The following MVP variants were observed in gnomAD, a reference collection of about 807,000 sequenced individuals.
MVP encodes the protein lung resistance-related protein.
Under a neutral mutation model 83.5 loss-of-function variants are expected in MVP, and 62 were observed. The ratio of observed to expected loss-of-function variants is 0.74; its 90% CI spans 0.61 to 0.92. MVP has a LOEUF of 0.92. MVP is among the 40% of genes least tolerant of loss of function. MVP has a pLI of 0.00. For missense variants in MVP, 1,000 were observed against 1,203.4 expected, an observed-to-expected ratio of 0.83 and a Z score of 2.50; for synonymous variants, 505 against 504.1, an observed-to-expected ratio of 1.00 and a Z score of -0.02.
At chr16:29,836,438 G>T (rs2067487558) in intron 6 of MVP, among the ~76,000 whole-genome samples, 1 of 150,808 alleles carries the variant, frequency 6.6e-6, no homozygotes, top group Non-Finnish European at 1.5e-5. Flanking sequence ...AGCTGGGCAT[G>T]GTGTCACCCA....
chr16:29,833,839 G>A lies in MVP; in HGVS notation c.428G>A (p.Trp143Ter). The stretch of plus-strand genomic sequence containing the variant: ...GACAAGGTGGTGGCAGGAGATGAGT[G>A]GCTTTTCGAGGGACCTGGTAAGTTC... ...DGDKVVAGDE[W>*]LFEGPGTYIP... The change falls in exon 4 of 15, where the codon TGG becomes TAG. Residue 143 changes from tryptophan (W) to a stop codon, truncating the protein, a stop_gained. Transcript: ENST00000357402. LOFTEE classifies it high-confidence loss of function. 6.2e-7 allele frequency: 1 copy of A among 1,614,066 alleles called. No individual in the cohort carries two copies. The highest frequency in any genetic ancestry group is 1.1e-5 in the South Asian group (1 of 91,082).
intron 11 of MVP, 76 bp downstream of exon 11, chr16:29,844,955 C>T: frequency 6.7e-7 from 1 of 1,501,806 alleles, no homozygotes; most frequent in Admixed American, 2.0e-5. Flanking sequence ...ACCTGGCATC[C>T]CTTGTGGACT....
intron 6 of MVP, among the ~76,000 whole-genome samples, chr16:29,836,354 C>T (rs2067487048): frequency 1.3e-5 from 2 of 151,360 alleles, no homozygotes; most frequent in Admixed American, 1.3e-4. Context: ...GTGGGAGGAT[C>T]ACCTGAGGTC....
chr16:29,822,587 A>T (rs2067371440), intron 1 of MVP: 1 of 152,216 alleles, frequency 6.6e-6, no homozygotes, highest in Non-Finnish European at 1.5e-5. Flanking sequence ...CACCGACCTT[A>T]CGTCCAACCT....
At chr16:29,847,498 G>T in intron 14 of MVP, 113 bp downstream of exon 14, 2 of 1,089,654 alleles carry the variant, frequency 1.8e-6, no homozygotes, top group Non-Finnish European at 2.6e-6. Flanking sequence ...AGGGGTGAGT[G>T]ACCTGACCCA....
At chr16:29,835,579 C>A in intron 5 of MVP, 125 bp from the exon 6 acceptor site, 1 of 637,336 alleles carries the variant, frequency 1.6e-6, no homozygotes, top group South Asian at 2.3e-5. Context: ...GGAACTTGAG[C>A]CTGGGGTCAG....
chr16:29,830,511 C>T lies in MVP; in HGVS notation c.-35-4C>T. On this transcript the variant is annotated splice_region_variant and splice_polypyrimidine_tract_variant and intron_variant, in intron 1 of 14. Coordinates refer to ENST00000357402, the MANE Select transcript of MVP (RefSeq NM_005115.5). ...CATCCTGTGTCGTCTCCCCCACCTA[C>T]CAGTCATCTTCTTGTGAGCCCTGGG... 6.2e-7 allele frequency: 1 copy of T among 1,608,784 alleles called. No homozygotes were observed.
chr16:29,831,892 T>C (rs557017875), intron 3 of MVP: 12 of 348,154 alleles, frequency 3.4e-5, no homozygotes, highest in African/African-American at 2.4e-4. Flanking sequence ...TTCCTTTACC[T>C]GTTCTTCCAC....
In MVP at chr16:29,844,546, C is replaced by T; in HGVS notation, c.1688C>T (p.Ser563Leu). ...CCCCAAGAGACGGCCAAGCTCTTTT[C>T]AGTGCCAGACTTTGTAGGTGATGCC... is the stretch of plus-strand genomic sequence containing the variant. The part of the protein sequence containing the change: ...KDPQETAKLF[S>L]VPDFVGDACK... Residue 563 changes from serine (S) to leucine (L), a missense_variant, in exon 11 of 15, where the codon TCA becomes TTA. Coordinates refer to ENST00000357402, the MANE Select transcript of MVP (RefSeq NM_005115.5). 1 of 1,584,750 alleles carries T rather than the reference C, an allele frequency of 6.3e-7. No individual in the cohort carries two copies. Among genetic ancestry groups the T allele is most frequent in the South Asian group, 1.1e-5 (1 of 87,004 alleles).
Position 29,841,799 on chromosome 16 carries a change from C to T in MVP, c.1395C>T (p.Asn465=), listed in dbSNP as rs774680750. 19 of 1,612,746 alleles carry T rather than the reference C, an allele frequency of 1.2e-5. No individual in the cohort carries two copies. The highest frequency in any genetic ancestry group is 5.0e-5 in the Admixed American group (3 of 59,994). The change falls in exon 9 of 15, where the codon AAC becomes AAT. Residue 465 remains asparagine (N), a synonymous_variant. Transcript: ENST00000357402. The surrounding 1 kb of genome is among the most constrained non-coding windows in gnomAD (Gnocchi z 4.7). Reference sequence around the variant, plus strand: ...TGGTCAGCTACCGCGTGCCCCACAACGCTGCGGTGCAGGTGTACGACTACC... The same window carrying T: ...TGGTCAGCTACCGCGTGCCCCACAATGCTGCGGTGCAGGTGTACGACTACC... ...TRVVSYRVPH[N]AAVQVYDYRE...
Position 29,844,598 on chromosome 16 carries a change from G to A in MVP, c.1740G>A (p.Arg580=). The change falls in exon 11 of 15, where the codon CGG becomes CGA. Residue 580 remains arginine, a synonymous_variant. Transcript: ENST00000357402. ...DACKAIASRV[R]GAVASVTFDD... ...GCAAAGCCATCGCATCCCGGGTGCG[G>A]GGGGCCGTGGCCTCTGTCACTTTCG... is the stretch of plus-strand genomic sequence containing the variant. 1 of 1,613,530 alleles carries A rather than the reference G, an allele frequency of 6.2e-7. No homozygotes were observed. The highest frequency in any genetic ancestry group is 8.5e-7 in the Non-Finnish European group (1 of 1,179,680).
chr16:29,822,092 T>TG (rs1045623025), intron 1 of MVP, among the ~76,000 whole-genome samples: 14 of 151,260 alleles, frequency 9.3e-5, no homozygotes, highest in South Asian at 2.1e-4. Context: ...GTTTTGTTTT[T>TG]TTTTTTTTTT....
intron 7 of MVP, among the ~76,000 whole-genome samples, chr16:29,839,929 C>T (rs911668340): frequency 1.5e-4 from 22 of 151,694 alleles, no homozygotes; most frequent in African/African-American, 5.1e-4. Flanking sequence ...GTTTAGCTTG[C>T]GTGGATCCAG....
At chr16:29,845,346 AACATGTTCCAGCTG>A (rs1424320265) in intron 11 of MVP, among the ~76,000 whole-genome samples, 4 of 151,544 alleles carry the variant, frequency 2.6e-5, no homozygotes, top group African/African-American at 4.9e-5. Flanking sequence ...TCGTCCCTGG[AACATGTTCCAGCTG>A]ACATGTTCCA....
In MVP at chr16:29,845,887, G is replaced by A. The variant is rs1321255826; in HGVS notation, c.2046G>A (p.Gln682=). The change falls in exon 12 of 15, where the codon CAG becomes CAA. Residue 682 remains glutamine (Q), a synonymous_variant. Coordinates refer to ENST00000357402, the MANE Select transcript of MVP (RefSeq NM_005115.5). ...AAKHEAQRLE[Q]EARGRLERQK... ...GGCATGAGGCTCAGAGACTGGAGCA[G>A]GAAGCCCGCGGCCGGCTTGAGCGGC... is the stretch of plus-strand genomic sequence containing the variant. 2 of 1,613,964 alleles carry A rather than the reference G, an allele frequency of 1.2e-6. No homozygotes were observed. The highest frequency in any genetic ancestry group is 2.7e-5 in the African/African-American group (2 of 74,940).
chr16:29,840,050 G>A, intron 7 of MVP, 128 bp from the exon 8 acceptor site: 3 of 890,182 alleles, frequency 3.4e-6, no homozygotes, highest in Non-Finnish European at 5.1e-6. Flanking sequence ...TATGATGTGG[G>A]GGTGGGGGCG....
rs2067535423 is a variant in MVP, at chr16:29,841,644, C to T, written c.1240C>T (p.Leu414=). ...STYMLTQDEV[L]WEKELPPGVE... ...CTACATGCTGACCCAGGACGAAGTCCTGTGGGAGAAAGAGCTGCCTCCCGG... is the reference window on the plus strand; with the variant it reads ...CTACATGCTGACCCAGGACGAAGTCTTGTGGGAGAAAGAGCTGCCTCCCGG... Residue 414 remains leucine, a synonymous_variant, in exon 9 of 15, where the codon CTG becomes TTG. Transcript: ENST00000357402. This position sits in a 1 kb window ranked among gnomAD's most constrained non-coding sequence, Gnocchi z 4.7. 1.1e-5 allele frequency: 17 copies of T among 1,612,374 alleles called. No individual in the cohort carries two copies. The East Asian group carries it at 2.5e-4, about 23-fold the overall frequency.
chr16:29,838,119 C>T (rs747047020), intron 7 of MVP, among the ~76,000 whole-genome samples: 4 of 152,102 alleles, frequency 2.6e-5, no homozygotes, highest in Non-Finnish European at 5.9e-5. Flanking sequence ...AATAGTTTAT[C>T]TGCAAAAACA....
In MVP at chr16:29,845,944, A is replaced by G; in HGVS notation, c.2103A>G (p.Lys701=). 1 of 1,614,244 alleles carries G rather than the reference A, an allele frequency of 6.2e-7. No homozygotes were observed. The highest frequency in any genetic ancestry group is 8.5e-7 in the Non-Finnish European group (1 of 1,180,040). ...QKILDQSEAE[K]ARKELLELEA... ...TCCTGGACCAGTCAGAAGCCGAGAA[A>G]GCTCGCAAGGAACTTTTGGAGCTGG... Residue 701 remains lysine (K), a synonymous_variant, in exon 12 of 15, where the codon AAA becomes AAG. Coordinates refer to ENST00000357402, the MANE Select transcript of MVP (RefSeq NM_005115.5).
Sources: allele counts gnomAD v4.1 joint callset (sites outside exome capture counted in the v4.1 genomes callset), GRCh38; gene constraint gnomAD v4.1.1; non-coding constraint Gnocchi (gnomAD v3.1); transcripts MANE v1.5; gene names NCBI Gene and HGNC (gene_info 2026-07-23, HGNC 2026-07-21).